The following DTD1 variants were observed in gnomAD, a reference collection of about 807,000 sequenced individuals.
DTD1 encodes D-tyrosyl-tRNA deacylase 1 homolog.
In DTD1, 13 loss-of-function variants were observed where a neutral mutation model predicts 25.6. The ratio of observed to expected loss-of-function variants is 0.51; its 90% CI spans 0.33 to 0.81. The LOEUF is 0.81. Ranked by LOEUF, DTD1 falls within the 30% of genes least tolerant of loss-of-function variation. The probability of loss-of-function intolerance (pLI) is 0.02; values close to 1 mark genes in which losing one functional copy is unlikely to be tolerated. For synonymous variants in DTD1, 110 were observed against 103.6 expected (o/e 1.06, Z -0.37); for missense variants, 193 against 266.4 (o/e 0.72, Z 1.92).
chr20:18,611,309 G>A (rs949060479), intron 3 of DTD1: 2 of 152,160 alleles, frequency 1.3e-5, no homozygotes, highest in African/African-American at 4.8e-5. Context: ...TAGAGCATGC[G>A]TTACACACTT....
intron 4 of DTD1, among the ~76,000 whole-genome samples, chr20:18,654,916 A>G (rs1458753483): frequency 6.6e-6 from 1 of 152,238 alleles, no homozygotes; most frequent in African/African-American, 2.4e-5. Flanking sequence ...AAAAGCATCA[A>G]TCAATATTAA....
intron 4 of DTD1, among the ~76,000 whole-genome samples, chr20:18,733,548 A>G (rs1328494107): frequency 6.6e-6 from 1 of 152,242 alleles, no homozygotes; most frequent in African/African-American, 2.4e-5. Flanking sequence ...ACAAGCAACC[A>G]CTAGGGCCTG....
chr20:18,706,902 T>C (rs1233765369), intron 4 of DTD1, among the ~76,000 whole-genome samples: 2 of 152,270 alleles, frequency 1.3e-5, no homozygotes, highest in Admixed American at 1.3e-4. Context: ...TTTAATTGAA[T>C]GTTTCGGAAT....
intron 4 of DTD1, among the ~76,000 whole-genome samples, chr20:18,708,571 G>A (rs1459488369): frequency 1.3e-5 from 2 of 150,732 alleles, no homozygotes; most frequent in African/African-American, 2.4e-5. Flanking sequence ...GGCCAGGCTG[G>A]TCTCAAACTT....
intron 4 of DTD1, among the ~76,000 whole-genome samples, chr20:18,741,930 G>A (rs1336147091): frequency 1.4e-5 from 2 of 145,048 alleles, no homozygotes; most frequent in Non-Finnish European, 3.0e-5. Context: ...GTAGAGACAG[G>A]GTCTCTCTAT....
At chr20:18,589,635 A>G (rs929308569) in intron 1 of DTD1, among the ~76,000 whole-genome samples, 6 of 152,158 alleles carry the variant, frequency 3.9e-5, no homozygotes, top group African/African-American at 9.7e-5. Context: ...TTCATAGATG[A>G]AAGATGTTTT....
intron 4 of DTD1, among the ~76,000 whole-genome samples, chr20:18,647,592 C>T (rs1376794676): frequency 6.6e-6 from 1 of 152,050 alleles, no homozygotes; most frequent in Non-Finnish European, 1.5e-5. Context: ...GAGGCTTGAA[C>T]CTCCTGGGGA....
chr20:18,631,331 G>A (rs1312549394), intron 4 of DTD1: 4 of 985,312 alleles, frequency 4.1e-6, no homozygotes, highest in Non-Finnish European at 4.8e-6. Context: ...GAAAGGTGGG[G>A]CCCCTCTGAA....
chr20:18,656,622 G>A lies in DTD1; in HGVS notation c.477+28389G>A, dbSNP rs569621744. ...CTATGTCTGCCTCGCTCCTCTGGTCGTCAGAGTAGGTGCCATTGTAGATTT... is the reference window on the plus strand; with the variant it reads ...CTATGTCTGCCTCGCTCCTCTGGTCATCAGAGTAGGTGCCATTGTAGATTT... On this transcript the variant is annotated intron_variant, in intron 4 of 5. Coordinates refer to ENST00000377452, the MANE Select transcript of DTD1 (RefSeq NM_080820.6). 3.7e-4 allele frequency among the ~76,000 whole-genome samples: 56 copies of A among 152,322 alleles called. 2 individuals carry two copies. In the South Asian group the frequency reaches 8.9e-3, roughly 24 times the overall value.
intron 3 of DTD1, among the ~76,000 whole-genome samples, chr20:18,623,842 C>G (rs1305178948): frequency 6.7e-6 from 1 of 148,656 alleles, no homozygotes; most frequent in African/African-American, 2.5e-5. Flanking sequence ...GGATCACTTT[C>G]TCTTACTTCT....
At chr20:18,748,058 A>T (rs962580839) in intron 5 of DTD1, among the ~76,000 whole-genome samples, 2 of 151,934 alleles carry the variant, frequency 1.3e-5, no homozygotes, top group Admixed American at 1.3e-4. Context: ...ACAAAAAAAC[A>T]ACTTGAATGT....
chr20:18,635,341 G>T (rs551495076), intron 4 of DTD1, among the ~76,000 whole-genome samples: 9 of 152,244 alleles, frequency 5.9e-5, no homozygotes, highest in Non-Finnish European at 1.3e-4. Context: ...TGCAGTCTTT[G>T]TCAGTGACGC....
intron 4 of DTD1, among the ~76,000 whole-genome samples, chr20:18,722,306 A>T (rs1205212544): frequency 6.6e-6 from 1 of 152,226 alleles, no homozygotes; most frequent in Non-Finnish European, 1.5e-5. Flanking sequence ...ATTGTGCACA[A>T]TCCTAACATG....
chr20:18,613,628 T>C lies in DTD1; in HGVS notation c.371-14499T>C, dbSNP rs1401053429. Among the ~76,000 whole-genome samples, 4 of 152,202 alleles carry C rather than the reference T, an allele frequency of 2.6e-5. No homozygotes were observed. In the East Asian group the frequency reaches 7.7e-4, roughly 29 times the overall value. On this transcript the variant is annotated intron_variant, in intron 3 of 5. Coordinates refer to ENST00000377452, the MANE Select transcript of DTD1 (RefSeq NM_080820.6). ...AGCCTCTGTGGTATATGCACTTTCA[T>C]TTACCAGTTGTATATGAGCGATTCT...
At chr20:18,696,691 A>T (rs999253893) in intron 4 of DTD1, among the ~76,000 whole-genome samples, 7 of 151,912 alleles carry the variant, frequency 4.6e-5, no homozygotes, top group South Asian at 4.2e-4. Context: ...AGTAGCTGGG[A>T]TTACAGGCAT....
At chr20:18,726,409 A>G (rs2061222655) in intron 4 of DTD1, among the ~76,000 whole-genome samples, 1 of 152,196 alleles carries the variant, frequency 6.6e-6, no homozygotes, top group Non-Finnish European at 1.5e-5. Flanking sequence ...GCATTGTACA[A>G]GTAATCTAAC....
chr20:18,755,389 AG>A (rs1310252598), intron 5 of DTD1, among the ~76,000 whole-genome samples: 6 of 152,168 alleles, frequency 3.9e-5, no homozygotes, highest in Non-Finnish European at 8.8e-5. Flanking sequence ...ATTTAACATT[AG>A]GTATATCTCC....
chr20:18,668,707 A>G (rs1032840581), intron 4 of DTD1, among the ~76,000 whole-genome samples: 2 of 152,090 alleles, frequency 1.3e-5, no homozygotes, highest in Non-Finnish European at 2.9e-5. Flanking sequence ...GAGTGAAATG[A>G]GCTACCAGGT....
intron 3 of DTD1, among the ~76,000 whole-genome samples, chr20:18,622,940 G>T (rs1422388964): frequency 4.7e-5 from 4 of 84,906 alleles, no homozygotes; most frequent in Middle Eastern, 6.9e-3. Flanking sequence ...CAATTTTATA[G>T]AATTTTTTTT....
Sources: gnomAD v4.1 joint callset for allele counts (sites outside exome capture counted in the v4.1 genomes callset) on GRCh38, gnomAD v4.1.1 for gene constraint, MANE v1.5 for transcripts, NCBI Gene and HGNC (gene_info 2026-07-23, HGNC 2026-07-21) for gene names.